The following COL12A1 variants were observed in gnomAD, a reference collection of about 807,000 sequenced individuals.
The protein encoded by COL12A1 is collagen alpha-1(XII) chain.
In COL12A1, 114 loss-of-function variants were observed where a neutral mutation model predicts 349.7. The observed-to-expected ratio is 0.33, with a 90% CI of 0.28 to 0.38. The LOEUF (loss-of-function observed/expected upper bound fraction) is 0.38. Among genes scored for constraint, COL12A1 ranks in the 10% least tolerant of loss-of-function variants. The pLI is 1.00. For missense variants in COL12A1, 3,284 were observed against 3,756.9 expected (o/e 0.87, Z 3.29); for synonymous variants, 1,369 against 1,329.0 (o/e 1.03, Z -0.66).
At chr6:75,138,700 T>C in intron 28 of COL12A1, 120 bp from the exon 29 acceptor site, 1 of 1,549,224 alleles carries the variant, frequency 6.5e-7, no homozygotes, top group Middle Eastern at 1.7e-4. Flanking sequence ...CTGATGCATG[T>C]CATGAGCTCA....
In COL12A1 at chr6:75,086,576, GATAGTTTTT is replaced by G; in HGVS notation, c.9182-28_9182-20del. The G allele has an allele frequency of 6.3e-7, 1 of 1,591,070 alleles. No individual in the cohort carries two copies. The highest frequency in any genetic ancestry group is 8.6e-7 in the Non-Finnish European group (1 of 1,166,918). On this transcript the variant is annotated intron_variant, in intron 65 of 65. Transcript: ENST00000322507. ...CCGGAACCTGAAACAGGTCAAAGAT[GATAGTTTTT>G]AAAAGTTGAATGACTAAGTAAAAAA...
chr6:75,143,506 C>A lies in COL12A1; in HGVS notation c.4691-118G>T. The stretch of plus-strand genomic sequence containing the variant: ...AATTTAAAGGTGTTTGGCAAAATAA[C>A]TGAAAAAAATGATTATGATGATAAA... On this transcript the variant is annotated intron_variant, in intron 25 of 65. Transcript: ENST00000322507. 7.4e-6 allele frequency: 8 copies of A among 1,078,544 alleles called. No individual in the cohort carries two copies. The Admixed American group carries it at 9.5e-5, about 13-fold the overall frequency. The allele number at this position is 1,078,544 out of a possible 1,614,324, so 66.8% of individuals were successfully genotyped here.
intron 14 of COL12A1, among the ~76,000 whole-genome samples, chr6:75,158,792 A>G (rs908024743): frequency 4.6e-5 from 7 of 152,130 alleles, no homozygotes; most frequent in African/African-American, 1.7e-4. Context: ...AAAAATGATT[A>G]GTGAACTTGA....
At chr6:75,201,679 A>G (rs1021020033) in intron 2 of COL12A1, among the ~76,000 whole-genome samples, 5 of 152,190 alleles carry the variant, frequency 3.3e-5, no homozygotes, top group African/African-American at 1.2e-4. Context: ...TCTTTGCAGA[A>G]TAAGAAAACT....
chr6:75,165,983 T>C (rs1768279513), intron 13 of COL12A1, among the ~76,000 whole-genome samples: 1 of 152,130 alleles, frequency 6.6e-6, no homozygotes, highest in Admixed American at 6.6e-5. Flanking sequence ...TTCTATTTGA[T>C]TCCTACCTCT....
At position 75,183,413 on chromosome 6, in the gene COL12A1, AG is replaced by A. The variant is rs774509344; in HGVS notation, c.1527del (p.Phe510SerfsTer14). 1 of 1,614,198 alleles carries A rather than the reference AG, an allele frequency of 6.2e-7. No individual in the cohort carries two copies. Among genetic ancestry groups the A allele is most frequent in the South Asian group, 1.1e-5 (1 of 91,086 alleles). ...KVEDIIEAIN[T>X]FPYRGGSTNT... ...TTTGTAGATCCTCCTCTGTAAGGGAAGGTGTTTATTGCTTCAATTATATCTT... is the reference window on the plus strand; with the variant it reads ...TTTGTAGATCCTCCTCTGTAAGGGAAGTGTTTATTGCTTCAATTATATCTT... On this transcript the variant is annotated frameshift_variant, in exon 10 of 66. Coordinates refer to ENST00000322507, the MANE Select transcript of COL12A1 (RefSeq NM_004370.6). LOFTEE classifies it high-confidence loss of function.
chr6:75,113,371 G>C, intron 50 of COL12A1, 58 bp from the exon 51 acceptor site: 1 of 1,144,866 alleles, frequency 8.7e-7, no homozygotes, highest in African/African-American at 1.6e-5. Flanking sequence ...TTTATTTAAA[G>C]TATTAGCAAA....
chr6:75,128,383 G>A lies in COL12A1; in HGVS notation c.6253C>T (p.Leu2085=), dbSNP rs1303440479. The A allele has an allele frequency of 6.2e-7, 1 of 1,609,394 alleles. No homozygotes were observed. Among genetic ancestry groups the A allele is most frequent in the Non-Finnish European group, 8.5e-7 (1 of 1,177,792 alleles). ...GRRNNVILQP[L]QPDTPYKITV... ...ATTTTATATGGAGTGTCAGGTTGCAGGGGCTGCAGTATTACATTGTTTCTT... is the reference window on the plus strand; with the variant it reads ...ATTTTATATGGAGTGTCAGGTTGCAAGGGCTGCAGTATTACATTGTTTCTT... Residue 2085 remains leucine (L), a synonymous_variant, in exon 38 of 66, where the codon CTG becomes TTG. Coordinates refer to ENST00000322507, the MANE Select transcript of COL12A1 (RefSeq NM_004370.6).
At chr6:75,094,098 C>A (rs1191008719) in intron 60 of COL12A1, among the ~76,000 whole-genome samples, 2 of 151,950 alleles carry the variant, frequency 1.3e-5, no homozygotes, top group African/African-American at 4.8e-5. Flanking sequence ...TTCTTTTTAA[C>A]CTAATATATC....
At position 75,101,637 on chromosome 6, in the gene COL12A1, G is replaced by T. The variant is rs1408264220; in HGVS notation, c.8486C>A (p.Pro2829His). 6.2e-7 allele frequency: 1 copy of T among 1,613,818 alleles called. No homozygotes were observed. Among genetic ancestry groups the T allele is most frequent in the Non-Finnish European group, 8.5e-7 (1 of 1,179,822 alleles). ...LPGRTGTPGL[P>H]GPPGPMGPPG... ...AGGTCCCATTGGTCCTGGTGGGCCA[G>T]GTAATCCTGGGGTTCCCTGCACAGA... is the stretch of plus-strand genomic sequence containing the variant. The change falls in exon 58 of 66, where the codon CCT (proline) becomes CAT (histidine). Residue 2829 changes from proline (P) to histidine (H), a missense_variant. By Grantham distance (77) the Pro-to-His change is moderately conservative. Coordinates refer to ENST00000322507, the MANE Select transcript of COL12A1 (RefSeq NM_004370.6).
Position 75,176,424 on chromosome 6 carries a change from A to G in COL12A1, c.2438-1114T>C, listed in dbSNP as rs184619370. On this transcript the variant is annotated intron_variant, in intron 12 of 65. Coordinates refer to ENST00000322507, the MANE Select transcript of COL12A1 (RefSeq NM_004370.6). ...GAGAGTGATGCAGTGGGAGGAGGGA[A>G]AGTGATGCAGTGGGAGGGAGGGCAG... Among the ~76,000 whole-genome samples the G allele has an allele frequency of 1.7e-4, 17 of 100,984 alleles. No individual in the cohort carries two copies. In the East Asian group the frequency reaches 5.0e-3, roughly 29 times the overall value. 66.2% of individuals were successfully genotyped at this position (100,984 alleles called of 152,430 possible).
rs764992627 is a variant in COL12A1, at chr6:75,097,257, G to A, written c.8573C>T (p.Pro2858Leu). 6.2e-7 allele frequency: 1 copy of A among 1,613,548 alleles called. No individual in the cohort carries two copies. The highest frequency in any genetic ancestry group is 2.2e-5 in the East Asian group (1 of 44,860). The change falls in exon 59 of 66, where the codon CCG (proline) becomes CTG (leucine). Residue 2858 changes from proline to leucine, a missense_variant. Coordinates refer to ENST00000322507, the MANE Select transcript of COL12A1 (RefSeq NM_004370.6). ...TGAGACACATTTAGTTCTTACCGGC[G>A]GCCCTGGTGGGCCCCTGGGTCCCAT... ...GAMGPRGPPG[P>L]PGSPGSPGVT...
chr6:75,129,959 T>C (rs1766220222), intron 37 of COL12A1, 132 bp downstream of exon 37: 6 of 1,057,178 alleles, frequency 5.7e-6, no homozygotes, highest in East Asian at 5.1e-5. Context: ...CCCAACGTCA[T>C]GTCAGAGAAA....
Position 75,130,921 on chromosome 6 carries a change from A to T in COL12A1, c.5998T>A (p.Tyr2000Asn), listed in dbSNP as rs1265796842. 1 of 1,614,070 alleles carries T rather than the reference A, an allele frequency of 6.2e-7. No homozygotes were observed. Among genetic ancestry groups the T allele is most frequent in the African/African-American group, 1.3e-5 (1 of 74,930 alleles). The change falls in exon 36 of 66, where the codon TAT becomes AAT. Residue 2000 changes from tyrosine to asparagine, a missense_variant. By Grantham distance (143) the Tyr-to-Asn change is moderately radical (BLOSUM62 -2). Transcript: ENST00000322507. ...HLERLIPDTL[Y>N]SVNLVALYSD... ...TACAGAGCCACAAGGTTCACGGAAT[A>T]GAGTGTGTCCGGAATCAGCCGCTCC...
chr6:75,200,958 A>G (rs569164465), intron 2 of COL12A1, among the ~76,000 whole-genome samples: 1 of 151,832 alleles, frequency 6.6e-6, no homozygotes, highest in Non-Finnish European at 1.5e-5. Flanking sequence ...AAAAAAAAAG[A>G]GCTGTACCAT....
chr6:75,159,799 CA>C (rs940765818), intron 14 of COL12A1, among the ~76,000 whole-genome samples: 29 of 140,690 alleles, frequency 2.1e-4, no homozygotes, highest in African/African-American at 5.2e-4. Flanking sequence ...ACTTAAGTTT[CA>C]AAAAAAAATG....
intron 8 of COL12A1, 30 bp from the exon 9 acceptor site, chr6:75,184,174 T>C (rs1356055959): frequency 3.1e-6 from 5 of 1,601,948 alleles, no homozygotes; most frequent in South Asian, 1.1e-5. Context: ...CAGTGATTAA[T>C]AACAGTGAGA....
intron 16 of COL12A1, among the ~76,000 whole-genome samples, chr6:75,155,020 G>T (rs1374456212): frequency 1.3e-5 from 2 of 152,158 alleles, no homozygotes; most frequent in Non-Finnish European, 2.9e-5. Context: ...CATTTATATA[G>T]ATTTCAATAG....
At chr6:75,096,643 T>G (rs1028668323) in intron 59 of COL12A1, among the ~76,000 whole-genome samples, 3 of 152,332 alleles carry the variant, frequency 2.0e-5, no homozygotes, top group Admixed American at 6.5e-5. Context: ...ACGCCTGTAA[T>G]CCCAGCACTT....
Sources: allele counts gnomAD v4.1 joint callset (sites outside exome capture counted in the v4.1 genomes callset), GRCh38; gene constraint gnomAD v4.1.1; transcripts MANE v1.5; gene names NCBI Gene and HGNC (gene_info 2026-07-23, HGNC 2026-07-21).